YTHDF3: variants seen among roughly 807,000 people sequenced by gnomAD.
The protein encoded by YTHDF3 is YTH N6-methyladenosine RNA binding protein F3.
Under a neutral mutation model 52.5 loss-of-function variants are expected in YTHDF3, and 9 were observed. The observed-to-expected ratio is 0.17, with a 90% CI of 0.10 to 0.30. YTHDF3 has a LOEUF of 0.30. YTHDF3 is among the 10% of genes least tolerant of loss of function. The probability of loss-of-function intolerance (pLI) is 1.00; values close to 1 mark genes in which losing one functional copy is unlikely to be tolerated. For synonymous variants in YTHDF3, 274 were observed against 243.3 expected (o/e 1.13, Z -1.18); for missense variants, 534 against 715.0 (o/e 0.75, Z 2.89).
chr8:63,180,528 G>C (rs1808053157), intron 3 of YTHDF3, among the ~76,000 whole-genome samples: 1 of 149,026 alleles, frequency 6.7e-6, no homozygotes, highest in Non-Finnish European at 1.5e-5. Flanking sequence ...CATCCCAGAC[G>C]ATGGGCGGCC....
intron 2 of YTHDF3, chr8:63,172,940 A>AAAAC: frequency 1.4e-6 from 1 of 704,834 alleles, no homozygotes; most frequent in Non-Finnish European, 2.0e-6. Flanking sequence ...AGTCTTTAAG[A>AAAAC]TAGTTTTCTT....
chr8:63,185,078 C>T (rs1328756101), intron 3 of YTHDF3, among the ~76,000 whole-genome samples: 4 of 151,984 alleles, frequency 2.6e-5, no homozygotes, highest in South Asian at 2.1e-4. Context: ...GCCAAGATAG[C>T]GCTGCTGCAC....
intron 4 of YTHDF3, among the ~76,000 whole-genome samples, chr8:63,195,202 TTG>T (rs1189130927): frequency 6.6e-6 from 1 of 152,208 alleles, no homozygotes; most frequent in East Asian, 1.9e-4. Context: ...TAGTTAGTAT[TTG>T]TATTATATTT....
chr8:63,180,059 G>C (rs1455150981), intron 3 of YTHDF3, among the ~76,000 whole-genome samples: 1 of 149,208 alleles, frequency 6.7e-6, no homozygotes, highest in Admixed American at 6.6e-5. Context: ...GGGGCGGCTG[G>C]CTGGGCGGGG....
intron 4 of YTHDF3, among the ~76,000 whole-genome samples, chr8:63,202,890 A>T (rs1809733125): frequency 6.6e-6 from 1 of 152,128 alleles, no homozygotes; most frequent in African/African-American, 2.4e-5. Context: ...TTCTTCGTTT[A>T]TGAACATCGT....
Position 63,175,318 on chromosome 8 carries a change from A to G in YTHDF3, c.50-13A>G. The G allele has an allele frequency of 6.3e-7, 1 of 1,592,900 alleles. No homozygotes were observed. Among genetic ancestry groups the G allele is most frequent in the African/African-American group, 1.3e-5 (1 of 74,728 alleles). On this transcript the variant is annotated splice_polypyrimidine_tract_variant and intron_variant, in intron 2 of 4. Coordinates refer to ENST00000539294, the MANE Select transcript of YTHDF3 (RefSeq NM_152758.6). The stretch of plus-strand genomic sequence containing the variant: ...AGATAACTACAACACTTCTAATACA[A>G]ACATTTTTTTAGTTTCAGTACAAAA...
Position 63,168,668 on chromosome 8 carries a change from G to A in YTHDF3, c.-210G>A, listed in dbSNP as rs1192763284. 2 of 866,632 alleles carry A rather than the reference G, an allele frequency of 2.3e-6. No homozygotes were observed. Among genetic ancestry groups the A allele is most frequent in the Admixed American group, 4.8e-5 (2 of 41,792 alleles). 53.7% of individuals were successfully genotyped at this position (866,632 alleles called of 1,614,324 possible). ...ATTGTGGACCCGAGAAGCAGAGAGC[G>A]AGAGGGGGAAGAGGAGCGTGCAAGC... On this transcript the variant is annotated 5_prime_UTR_variant, in exon 1 of 5. Coordinates refer to ENST00000539294, the MANE Select transcript of YTHDF3 (RefSeq NM_152758.6).
intron 4 of YTHDF3, among the ~76,000 whole-genome samples, chr8:63,207,562 A>G (rs1443296210): frequency 6.6e-6 from 1 of 152,012 alleles, no homozygotes; most frequent in Non-Finnish European, 1.5e-5. Flanking sequence ...GAAGTTATGC[A>G]TTATATATAT....
Position 63,168,831 on chromosome 8 carries a change from A to G in YTHDF3, c.-47A>G, listed in dbSNP as rs1379741892. 1 of 1,551,932 alleles carries G rather than the reference A, an allele frequency of 6.4e-7. No homozygotes were observed. ...CCAACTGCTGTGAGTGCACGGGGAG[A>G]GGCCCAGGCAGCGGCGGCGGCGGCG... On this transcript the variant is annotated 5_prime_UTR_variant, in exon 1 of 5. Coordinates refer to ENST00000539294, the MANE Select transcript of YTHDF3 (RefSeq NM_152758.6).
At chr8:63,169,137 G>GGACA (rs879272066) in intron 1 of YTHDF3, 10 of 1,435,180 alleles carry the variant, frequency 7.0e-6, no homozygotes, top group Non-Finnish European at 9.1e-6. Context: ...AGGGGCCTTA[G>GGACA]GACAGATCCT....
chr8:63,187,686 A>G lies in YTHDF3; in HGVS notation c.1675A>G (p.Ile559Val), dbSNP rs1407343819. The change falls in exon 4 of 5, where the codon ATC becomes GTC. Residue 559 changes from isoleucine (I) to valine (V), a missense_variant. By Grantham distance (29) the Ile-to-Val change is conservative. Coordinates refer to ENST00000539294, the MANE Select transcript of YTHDF3 (RefSeq NM_152758.6). ...IIATFKHTTS[I>V]FDDFAHYEKR... ...TGCTACTTTCAAGCATACCACCTCA[A>G]TCTTTGATGACTTTGCACATTATGA... 1 of 1,612,058 alleles carries G rather than the reference A, an allele frequency of 6.2e-7. No individual in the cohort carries two copies. The highest frequency in any genetic ancestry group is 8.5e-7 in the Non-Finnish European group (1 of 1,178,862).
chr8:63,180,252 C>T (rs1161168671), intron 3 of YTHDF3, among the ~76,000 whole-genome samples: 4 of 150,586 alleles, frequency 2.7e-5, no homozygotes, highest in Admixed American at 6.6e-5. Context: ...TTCCTCACTT[C>T]TCAGACGGGG....
chr8:63,175,240 T>G, intron 2 of YTHDF3, 91 bp from the exon 3 acceptor site: 1 of 941,104 alleles, frequency 1.1e-6, no homozygotes, highest in Non-Finnish European at 1.6e-6. Flanking sequence ...TCTGATTACT[T>G]TTTTTGGCTT....
intron 1 of YTHDF3, 21 bp downstream of exon 1, chr8:63,168,922 G>A: frequency 1.9e-6 from 3 of 1,550,460 alleles, no homozygotes; most frequent in South Asian, 1.2e-5. Context: ...AGAGGCCCCA[G>A]GCTTGGCGAA....
intron 1 of YTHDF3, 66 bp from the exon 2 acceptor site, chr8:63,169,321 G>T: frequency 3.2e-6 from 5 of 1,546,510 alleles, no homozygotes; most frequent in Middle Eastern, 3.4e-4. Flanking sequence ...TAATGCCTTT[G>T]ATTAACACAC....
intron 4 of YTHDF3, among the ~76,000 whole-genome samples, chr8:63,197,070 C>T (rs956460300): frequency 1.3e-5 from 2 of 151,984 alleles, no homozygotes; most frequent in Admixed American, 6.5e-5. Context: ...CAGTGTGGGC[C>T]CTTGGTTGGG....
intron 4 of YTHDF3, among the ~76,000 whole-genome samples, chr8:63,189,454 A>C (rs940291134): frequency 2.0e-5 from 3 of 152,214 alleles, no homozygotes; most frequent in African/African-American, 7.2e-5. Flanking sequence ...CCAGTAAATA[A>C]TGCTTGTTAC....
chr8:63,175,080 T>C lies in YTHDF3; in HGVS notation c.50-251T>C, dbSNP rs549316532. ...AGATTGGGATATTTACTTAAAGTTT[T>C]TGGTAAGGGGAAGTGTATATATGGC... On this transcript the variant is annotated intron_variant, in intron 2 of 4. Coordinates refer to ENST00000539294, the MANE Select transcript of YTHDF3 (RefSeq NM_152758.6). 1.2e-4 allele frequency among the ~76,000 whole-genome samples: 19 copies of C among 152,300 alleles called. No homozygotes were observed. The East Asian group carries it at 3.7e-3, about 29-fold the overall frequency.
chr8:63,200,974 A>G (rs1809598986), intron 4 of YTHDF3, among the ~76,000 whole-genome samples: 1 of 152,218 alleles, frequency 6.6e-6, no homozygotes, highest in African/African-American at 2.4e-5. Flanking sequence ...GGAAAGATGA[A>G]TCACAAGTCG....
Sources: allele counts gnomAD v4.1 joint callset (sites outside exome capture counted in the v4.1 genomes callset), GRCh38; gene constraint gnomAD v4.1.1; transcripts MANE v1.5; gene names NCBI Gene and HGNC (gene_info 2026-07-23, HGNC 2026-07-21).